Variants in CFL2 observed in about 807,000 individuals in gnomAD.
CFL2 encodes the protein cofilin 2, also known as cofilin-2.
A neutral mutation model predicts 19.6 loss-of-function variants in CFL2; 10 were observed. The observed-to-expected ratio is 0.51, with a 90% CI of 0.31 to 0.86. The LOEUF is 0.86. Ranked by LOEUF, CFL2 falls within the 40% of genes least tolerant of loss-of-function variation. The pLI, the probability that CFL2 is intolerant of heterozygous loss-of-function variation, is 0.04. For synonymous variants in CFL2, 63 were observed against 66.7 expected, an observed-to-expected ratio of 0.95 and a Z score of 0.27; for missense variants, 125 against 192.1, an observed-to-expected ratio of 0.65 and a Z score of 2.06.
In CFL2 at chr14:34,714,329, C is replaced by G. The variant is rs562404458; in HGVS notation, c.3+209G>C. 33 of 777,036 alleles carry G rather than the reference C, an allele frequency of 4.2e-5. No homozygotes were observed. The African/African-American group carries it at 6.1e-4, about 14-fold the overall frequency. 48.1% of individuals were successfully genotyped at this position (777,036 alleles called of 1,614,324 possible). ...CCCCCAACCTGCGCCGACGCCCGGGCCCTCCCCGCCCCCCAAAATCCAAAG... is the reference window on the plus strand; with the variant it reads ...CCCCCAACCTGCGCCGACGCCCGGGGCCTCCCCGCCCCCCAAAATCCAAAG... On this transcript the variant is annotated intron_variant, in intron 1 of 3. Coordinates refer to ENST00000298159, the MANE Select transcript of CFL2 (RefSeq NM_138638.5).
Position 34,711,470 on chromosome 14 carries a change from TA to T in CFL2, c.*1394del, listed in dbSNP as rs899382291. 1.7e-5 allele frequency: 6 copies of T among 363,554 alleles called. 1 individual carries two copies. Among genetic ancestry groups the T allele is most frequent in the African/African-American group, 8.7e-5 (2 of 23,004 alleles). 22.5% of individuals were successfully genotyped at this position (363,554 alleles called of 1,614,324 possible). A position where few individuals can be genotyped will look rare whatever the true frequency, so the allele number is the denominator to read the frequency against. On this transcript the variant is annotated 3_prime_UTR_variant, in exon 4 of 4. Transcript: ENST00000298159. ...TCCCACTACTAATGTTTAAGACTGC[TA>T]TTATCAATTCCTATTCCAATTCAAT...
rs1218478859 is a variant in CFL2 at position 34,711,028 on chromosome 14, T to C, written c.*1837A>G. On this transcript the variant is annotated 3_prime_UTR_variant, in exon 4 of 4. Coordinates refer to ENST00000298159, the MANE Select transcript of CFL2 (RefSeq NM_138638.5). ...GGACAGCTGGAAGCCTGAAATAAAA[T>C]TGCTCAGTGCAAAAAGATCCCAAAC... 3 of 454,088 alleles carry C rather than the reference T, an allele frequency of 6.6e-6. No individual in the cohort carries two copies. The highest frequency in any genetic ancestry group is 3.1e-5 in the South Asian group (2 of 64,470). The allele number at this position is 454,088 out of a possible 1,614,324, so 28.1% of individuals were successfully genotyped here.
At position 34,712,790 on chromosome 14, in the gene CFL2, A is replaced by G. The variant is rs746198402; in HGVS notation, c.*75T>C. 1.1e-6 allele frequency: 1 copy of G among 884,252 alleles called. No homozygotes were observed. Among genetic ancestry groups the G allele is most frequent in the African/African-American group, 1.6e-5 (1 of 61,024 alleles). 54.8% of individuals were successfully genotyped at this position (884,252 alleles called of 1,614,324 possible). On this transcript the variant is annotated 3_prime_UTR_variant, in exon 4 of 4. Coordinates refer to ENST00000298159, the MANE Select transcript of CFL2 (RefSeq NM_138638.5). ...GGGGGAAATACAACAAAAAACCAAA[A>G]CCTAATACTATTCCAATGGACTGAG...
At position 34,709,153 on chromosome 14, in the gene CFL2, ATACAG is replaced by A. The variant is rs201562363; in HGVS notation, c.*3707_*3711del. 1.7e-4 allele frequency: 26 copies of A among 152,266 alleles called. No homozygotes were observed. In the East Asian group the frequency reaches 3.9e-3, roughly 23 times the overall value. 9.4% of individuals were successfully genotyped at this position (152,266 alleles called of 1,614,324 possible). A position where few individuals can be genotyped will look rare whatever the true frequency, so the allele number is the denominator to read the frequency against. The stretch of plus-strand genomic sequence containing the variant: ...AAACATTTAATATTTATCTACTTAC[ATACAG>A]TAATTAAGAATGAATAGTTTAAACA... On this transcript the variant is annotated 3_prime_UTR_variant, in exon 4 of 4. Coordinates refer to ENST00000298159, the MANE Select transcript of CFL2 (RefSeq NM_138638.5).
chr14:34,714,351 A>G, intron 1 of CFL2, 187 bp downstream of exon 1: 1 of 933,306 alleles, frequency 1.1e-6, no homozygotes, highest in Non-Finnish European at 1.4e-6. Flanking sequence ...CCCAAAATCC[A>G]AAGAGCAGCA....
Position 34,710,479 on chromosome 14 carries a change from T to C in CFL2, c.*2386A>G. The C allele has an allele frequency of 2.3e-6, 1 of 441,062 alleles. No homozygotes were observed. The highest frequency in any genetic ancestry group is 4.5e-6 in the Non-Finnish European group (1 of 221,974). 27.3% of individuals were successfully genotyped at this position (441,062 alleles called of 1,614,324 possible). On this transcript the variant is annotated 3_prime_UTR_variant, in exon 4 of 4. Coordinates refer to ENST00000298159, the MANE Select transcript of CFL2 (RefSeq NM_138638.5). The stretch of plus-strand genomic sequence containing the variant: ...ATATATTTTATTTTTTAAACTCTCA[T>C]AACTTTGCAAGCTAGCAGTAAAATA...
Position 34,712,077 on chromosome 14 carries a change from A to C in CFL2, c.*788T>G. ...TGAGGGTGGGGAGTTTGATCTCAAAACAATGTTCCATTTAAGGCTCTTTTA... is the reference window on the plus strand; with the variant it reads ...TGAGGGTGGGGAGTTTGATCTCAAACCAATGTTCCATTTAAGGCTCTTTTA... On this transcript the variant is annotated 3_prime_UTR_variant, in exon 4 of 4. Transcript: ENST00000298159. 2.2e-6 allele frequency: 1 copy of C among 454,524 alleles called. No individual in the cohort carries two copies. Among genetic ancestry groups the C allele is most frequent in the Non-Finnish European group, 4.4e-6 (1 of 226,768 alleles). 28.2% of individuals were successfully genotyped at this position (454,524 alleles called of 1,614,324 possible).
chr14:34,713,944 T>C, intron 1 of CFL2: 1 of 851,582 alleles, frequency 1.2e-6, no homozygotes, highest in Non-Finnish European at 1.7e-6. Context: ...ATGCTTCTAC[T>C]ATTTTTTTCT....
At position 34,711,348 on chromosome 14, in the gene CFL2, G is replaced by A. The variant is rs1467675561; in HGVS notation, c.*1517C>T. On this transcript the variant is annotated 3_prime_UTR_variant, in exon 4 of 4. Transcript: ENST00000298159. ...TGGATAACTATGACAAGATACAAAA[G>A]CATGTGTTTGCCATAAATAGCCCTG... 5 of 454,348 alleles carry A rather than the reference G, an allele frequency of 1.1e-5. No homozygotes were observed. The highest frequency in any genetic ancestry group is 2.2e-5 in the Non-Finnish European group (5 of 226,794). 28.1% of individuals were successfully genotyped at this position (454,348 alleles called of 1,614,324 possible).
intron 3 of CFL2, 32 bp from the exon 4 acceptor site, chr14:34,713,009 A>T (rs1465822192): frequency 3.2e-6 from 5 of 1,544,784 alleles, no homozygotes; most frequent in Non-Finnish European, 4.4e-6. Context: ...CTATTACTTT[A>T]TTATAATTAA....
intron 1 of CFL2, chr14:34,714,326 G>T: frequency 1.5e-6 from 1 of 650,282 alleles, no homozygotes; most frequent in Non-Finnish European, 2.2e-6. Flanking sequence ...GCCGACGCCC[G>T]GGCCCTCCCC....
Position 34,710,284 on chromosome 14 carries a change from C to T in CFL2, c.*2581G>A, listed in dbSNP as rs1885238608. On this transcript the variant is annotated 3_prime_UTR_variant, in exon 4 of 4. Transcript: ENST00000298159. ...AAAATGCTAAAATTAATTGCTGTAA[C>T]ACTCAGTTTTTAAAGAAAATTGTTA... 1 of 239,340 alleles carries T rather than the reference C, an allele frequency of 4.2e-6. No individual in the cohort carries two copies. 14.8% of individuals were successfully genotyped at this position (239,340 alleles called of 1,614,324 possible). A position where few individuals can be genotyped will look rare whatever the true frequency, so the allele number is the denominator to read the frequency against.
chr14:34,713,759 T>A (rs143465827), intron 1 of CFL2, 198 bp from the exon 2 acceptor site: 2 of 1,611,842 alleles, frequency 1.2e-6, no homozygotes, highest in Non-Finnish European at 1.7e-6. Flanking sequence ...TGCCCATTCA[T>A]CCTTCTTAAA....
rs566629841 is a variant in CFL2 at position 34,711,332 on chromosome 14, A to G, written c.*1533T>C. On this transcript the variant is annotated 3_prime_UTR_variant, in exon 4 of 4. Transcript: ENST00000298159. ...CCAGTTTTGCCATTTGTGGATAACT[A>G]TGACAAGATACAAAAGCATGTGTTT... 2.2e-6 allele frequency: 1 copy of G among 454,430 alleles called. No individual in the cohort carries two copies. The highest frequency in any genetic ancestry group is 4.4e-6 in the Non-Finnish European group (1 of 226,808). The allele number at this position is 454,430 out of a possible 1,614,324, so 28.1% of individuals were successfully genotyped here.
At position 34,709,919 on chromosome 14, in the gene CFL2, A is replaced by G. The variant is rs780352447; in HGVS notation, c.*2946T>C. The G allele has an allele frequency of 6.6e-6, 1 of 152,362 alleles. No individual in the cohort carries two copies. The highest frequency in any genetic ancestry group is 2.1e-4 in the South Asian group (1 of 4,828). 9.4% of individuals were successfully genotyped at this position (152,362 alleles called of 1,614,324 possible). ...CCACCTACTATTAAATGTGCAAGCA[A>G]AAACAGGACCTATGAAGAGCAAAAT... is the stretch of plus-strand genomic sequence containing the variant. On this transcript the variant is annotated 3_prime_UTR_variant, in exon 4 of 4. Coordinates refer to ENST00000298159, the MANE Select transcript of CFL2 (RefSeq NM_138638.5).
rs1487756510 is a variant in CFL2 at position 34,711,090 on chromosome 14, A to G, written c.*1775T>C. On this transcript the variant is annotated 3_prime_UTR_variant, in exon 4 of 4. Coordinates refer to ENST00000298159, the MANE Select transcript of CFL2 (RefSeq NM_138638.5). ...TTTTAAATGGAAGCCTAGACATTTAATCCCTATTTTTAATGTTCACATCTG... is the reference window on the plus strand; with the variant it reads ...TTTTAAATGGAAGCCTAGACATTTAGTCCCTATTTTTAATGTTCACATCTG... 8 of 454,008 alleles carry G rather than the reference A, an allele frequency of 1.8e-5. No homozygotes were observed. Among genetic ancestry groups the G allele is most frequent in the South Asian group, 1.2e-4 (8 of 64,406 alleles). The allele number at this position is 454,008 out of a possible 1,614,324, so 28.1% of individuals were successfully genotyped here. A position where few individuals can be genotyped will look rare whatever the true frequency, so the allele number is the denominator to read the frequency against.
chr14:34,714,243 A>G (rs1045221944), intron 1 of CFL2: 7 of 438,994 alleles, frequency 1.6e-5, no homozygotes, highest in Admixed American at 4.2e-5. Context: ...GCGAAGGGCA[A>G]AGGCGGCGCG....
Position 34,711,396 on chromosome 14 carries a change from T to G in CFL2, c.*1469A>C, listed in dbSNP as rs552152265. 1.3e-5 allele frequency: 6 copies of G among 454,554 alleles called. 1 individual carries two copies. In the East Asian group the frequency reaches 2.8e-4, roughly 21 times the overall value. The allele number at this position is 454,554 out of a possible 1,614,324, so 28.2% of individuals were successfully genotyped here. The stretch of plus-strand genomic sequence containing the variant: ...CTGGCTAACAGCAAACCGCTCACAC[T>G]GAGCAGATCAAATTCTCTATAAGGA... On this transcript the variant is annotated 3_prime_UTR_variant, in exon 4 of 4. Transcript: ENST00000298159.
At position 34,712,862 on chromosome 14, in the gene CFL2, A is replaced by AT; in HGVS notation, c.*2dup. ...AAGATCCAGATGGCACTTGACTGTC[A>AT]TTTTATAATGGTTTTCCTTCAAGTG... On this transcript the variant is annotated 3_prime_UTR_variant, in exon 4 of 4. Coordinates refer to ENST00000298159, the MANE Select transcript of CFL2 (RefSeq NM_138638.5). The AT allele has an allele frequency of 6.8e-7, 1 of 1,464,384 alleles. No homozygotes were observed. Among genetic ancestry groups the AT allele is most frequent in the Non-Finnish European group, 9.6e-7 (1 of 1,043,692 alleles). 90.7% of individuals were successfully genotyped at this position (1,464,384 alleles called of 1,614,324 possible). A position where few individuals can be genotyped will look rare whatever the true frequency, so the allele number is the denominator to read the frequency against.
Sources: allele counts gnomAD v4.1 joint callset, GRCh38; gene constraint gnomAD v4.1.1; transcripts MANE v1.5; gene names NCBI Gene and HGNC (gene_info 2026-07-23, HGNC 2026-07-21).